The following VIT variants were observed in gnomAD, a reference collection of about 807,000 sequenced individuals.
VIT encodes vitrin.
In VIT, 99 loss-of-function variants were observed where a neutral mutation model predicts 78.0. That is an observed-to-expected ratio of 1.27 (90% CI 1.08 to 1.50). VIT has a LOEUF of 1.50. Ranked by LOEUF, VIT falls within the 40% of genes most tolerant of loss-of-function variation. The probability of loss-of-function intolerance (pLI) is 0.00; values close to 1 mark genes in which losing one functional copy is unlikely to be tolerated. For synonymous variants in VIT, 374 were observed against 334.3 expected (o/e 1.12, Z -1.29); for missense variants, 1,126 against 875.3 (o/e 1.29, Z -3.61).
At chr2:36,769,837 C>G (rs1669642115) in intron 7 of VIT, among the ~76,000 whole-genome samples, 2 of 152,190 alleles carry the variant, frequency 1.3e-5, no homozygotes, top group East Asian at 1.9e-4. Flanking sequence ...AGTTACTCAT[C>G]ATTTCCCCAA....
intron 11 of VIT, among the ~76,000 whole-genome samples, chr2:36,783,970 G>A (rs961027520): frequency 1.3e-5 from 2 of 152,144 alleles, no homozygotes; most frequent in Non-Finnish European, 2.9e-5. Context: ...ACATTCAGAA[G>A]GAACAGCCCA....
intron 14 of VIT, among the ~76,000 whole-genome samples, chr2:36,807,540 A>G (rs1666820185): frequency 1.3e-5 from 2 of 152,196 alleles, no homozygotes; most frequent in Admixed American, 1.3e-4. Flanking sequence ...AATTTTTGAA[A>G]AATATTTTCC....
chr2:36,699,529 T>TATATATATATAC (rs566080680), intron 1 of VIT, among the ~76,000 whole-genome samples: 3 of 151,664 alleles, frequency 2.0e-5, no homozygotes, highest in East Asian at 1.9e-4. Context: ...TATATATATA[T>TATATATATATAC]ACACACACAT....
At chr2:36,780,224 G>T (rs1201766806) in intron 9 of VIT, among the ~76,000 whole-genome samples, 3 of 152,218 alleles carry the variant, frequency 2.0e-5, no homozygotes, top group Admixed American at 6.5e-5. Context: ...GGAGCAAGAG[G>T]CTTGGAAATC....
At chr2:36,739,843 C>G (rs1421406824) in intron 3 of VIT, among the ~76,000 whole-genome samples, 2 of 152,194 alleles carry the variant, frequency 1.3e-5, no homozygotes, top group Admixed American at 1.3e-4. Flanking sequence ...CCACGGCTCT[C>G]TGTGGCTTTG....
At chr2:36,733,062 A>G (rs1307590222) in intron 3 of VIT, among the ~76,000 whole-genome samples, 2 of 152,230 alleles carry the variant, frequency 1.3e-5, no homozygotes, top group African/African-American at 4.8e-5. Flanking sequence ...TTTTACTGCC[A>G]TGTTCAGGGA....
chr2:36,771,440 C>G (rs535152983), intron 7 of VIT, among the ~76,000 whole-genome samples: 1 of 151,096 alleles, frequency 6.6e-6, no homozygotes, highest in Non-Finnish European at 1.5e-5. Flanking sequence ...CCAGGAGAAT[C>G]GCTTGAACCC....
At chr2:36,798,251 G>A (rs932098450) in intron 12 of VIT, among the ~76,000 whole-genome samples, 2 of 152,082 alleles carry the variant, frequency 1.3e-5, no homozygotes, top group African/African-American at 4.8e-5. Context: ...CTAGCAGATG[G>A]CCACACAACT....
At chr2:36,806,734 T>A (rs1432658420) in intron 14 of VIT, among the ~76,000 whole-genome samples, 2 of 152,176 alleles carry the variant, frequency 1.3e-5, no homozygotes, top group East Asian at 3.9e-4. Context: ...TTATTTTATT[T>A]TTTTATTTTT....
At chr2:36,771,003 G>A (rs1314038438) in intron 7 of VIT, among the ~76,000 whole-genome samples, 3 of 152,192 alleles carry the variant, frequency 2.0e-5, no homozygotes, top group Non-Finnish European at 4.4e-5. Context: ...CAGGAAGAGA[G>A]GCCAGCATCT....
intron 12 of VIT, among the ~76,000 whole-genome samples, chr2:36,795,413 T>A (rs1380671876): frequency 6.6e-6 from 1 of 151,328 alleles, no homozygotes; most frequent in Non-Finnish European, 1.5e-5. Context: ...ATTTATTTTA[T>A]TTTATTTTAT....
chr2:36,745,509 C>T (rs767710704), intron 4 of VIT, among the ~76,000 whole-genome samples: 1 of 152,120 alleles, frequency 6.6e-6, no homozygotes, highest in African/African-American at 2.4e-5. Context: ...TTACAATTCT[C>T]CTTGTGGAGA....
At chr2:36,741,820 C>A (rs546410078) in intron 3 of VIT, among the ~76,000 whole-genome samples, 2 of 152,180 alleles carry the variant, frequency 1.3e-5, no homozygotes, top group Non-Finnish European at 2.9e-5. Flanking sequence ...CCTGGGGCAG[C>A]TCAGTCCTTC....
chr2:36,765,284 C>T (rs1018987591), intron 6 of VIT, among the ~76,000 whole-genome samples: 1 of 152,106 alleles, frequency 6.6e-6, no homozygotes, highest in Non-Finnish European at 1.5e-5. Flanking sequence ...TATAAAGACA[C>T]TACCCAAGAC....
At chr2:36,790,278 G>A (rs556931982) in intron 12 of VIT, among the ~76,000 whole-genome samples, 1 of 152,202 alleles carries the variant, frequency 6.6e-6, no homozygotes, top group East Asian at 1.9e-4. Context: ...ATGAGACATT[G>A]GCCATCCCCT....
intron 6 of VIT, among the ~76,000 whole-genome samples, chr2:36,761,376 G>A (rs1394419372): frequency 6.6e-6 from 1 of 152,110 alleles, no homozygotes; most frequent in African/African-American, 2.4e-5. Context: ...GGGGTGTCGG[G>A]GGTGTTGTGC....
chr2:36,760,631 C>A (rs1280842454), intron 6 of VIT, among the ~76,000 whole-genome samples: 1 of 152,130 alleles, frequency 6.6e-6, no homozygotes, highest in Non-Finnish European at 1.5e-5. Flanking sequence ...TTTCATCTGG[C>A]CCTGTGGCTC....
intron 12 of VIT, among the ~76,000 whole-genome samples, chr2:36,799,301 T>C (rs1666140845): frequency 6.6e-6 from 1 of 152,200 alleles, no homozygotes; most frequent in African/African-American, 2.4e-5. Context: ...CTTGTCCCGG[T>C]CCGCATGGAC....
intron 1 of VIT, among the ~76,000 whole-genome samples, chr2:36,703,605 G>C (rs913143145): frequency 5.9e-5 from 9 of 152,204 alleles, no homozygotes; most frequent in Non-Finnish European, 1.2e-4. Flanking sequence ...TTGCGTGTGA[G>C]ACAGAGTTGT....
Sources: allele counts gnomAD v4.1 joint callset (sites outside exome capture counted in the v4.1 genomes callset), GRCh38; gene constraint gnomAD v4.1.1; transcripts MANE v1.5; gene names NCBI Gene and HGNC (gene_info 2026-07-23, HGNC 2026-07-21).